NHSL3: variants seen among roughly 807,000 people sequenced by gnomAD.
NHSL3 encodes the protein NHS-like protein 3.
the NHSL3 span, among the ~76,000 whole-genome samples, chr1:32,759,688 G>T: frequency 1.3e-5 from 2 of 152,208 alleles, no homozygotes; most frequent in East Asian, 3.9e-4. Context: ...GTGGGGTGCA[G>T]AGCCCCTACT....
the NHSL3 span, chr1:32,768,240 G>C: frequency 2.8e-4 from 212 of 769,802 alleles, 4 homozygotes; most frequent in South Asian, 3.2e-3. Context: ...AATGAACCCT[G>C]AGGGCTAGTT....
the NHSL3 span, chr1:32,769,629 G>A: frequency 9.8e-6 from 14 of 1,426,142 alleles, no homozygotes; most frequent in African/African-American, 1.4e-5. Flanking sequence ...AATGTGCCTG[G>A]AGTCCTTTGC....
chr1:32,767,926 C>G, the NHSL3 span: 1 of 1,613,962 alleles, frequency 6.2e-7, no homozygotes, highest in South Asian at 1.1e-5. Context: ...ACACTCAGGC[C>G]CAGGAGGGGC....
At chr1:32,760,305 C>G in the NHSL3 span, among the ~76,000 whole-genome samples, 1 of 152,204 alleles carries the variant, frequency 6.6e-6, no homozygotes, top group African/African-American at 2.4e-5. Context: ...CGCGCCACCA[C>G]CCCCGCCCCT....
chr1:32,742,091 G>T, the NHSL3 span: 18 of 1,253,848 alleles, frequency 1.4e-5, no homozygotes, highest in East Asian at 6.3e-5. Flanking sequence ...GGCAAGCGGC[G>T]CAAGAAGAAG....
At chr1:32,765,441 A>C in the NHSL3 span, among the ~76,000 whole-genome samples, 29 of 152,210 alleles carry the variant, frequency 1.9e-4, no homozygotes, top group Non-Finnish European at 2.1e-4. Context: ...AGGCAGGGTG[A>C]GTGATCTGCT....
the NHSL3 span, chr1:32,771,526 T>C: frequency 8.1e-6 from 13 of 1,598,936 alleles, no homozygotes; most frequent in Non-Finnish European, 8.5e-6. Context: ...GCAGGACCTG[T>C]CCATGGCTGA....
At chr1:32,753,838 G>C in the NHSL3 span, among the ~76,000 whole-genome samples, 1 of 152,194 alleles carries the variant, frequency 6.6e-6, no homozygotes. Context: ...GCCCTAGGCT[G>C]GGCGGCTCAG....
chr1:32,768,706 T>C, the NHSL3 span: 1,151 of 1,614,062 alleles, frequency 7.1e-4, 13 homozygotes, highest in East Asian at 0.022. Flanking sequence ...TCAGACCACA[T>C]CCTACGTGGC....
At chr1:32,755,890 C>T in the NHSL3 span, among the ~76,000 whole-genome samples, 62 of 152,270 alleles carry the variant, frequency 4.1e-4, no homozygotes, top group Middle Eastern at 3.4e-3. Flanking sequence ...AGGGCTGGGG[C>T]TCTTCATCTG....
At chr1:32,771,580 G>C in the NHSL3 span, 3 of 1,612,398 alleles carry the variant, frequency 1.9e-6, no homozygotes, top group South Asian at 3.3e-5. Flanking sequence ...GGCCAGCCCT[G>C]AGCCTGCAGG....
chr1:32,743,282 C>T, the NHSL3 span, among the ~76,000 whole-genome samples: 1 of 152,194 alleles, frequency 6.6e-6, no homozygotes, highest in African/African-American at 2.4e-5. Context: ...CCTTTAACCA[C>T]CTCTTCTGGG....
the NHSL3 span, among the ~76,000 whole-genome samples, chr1:32,745,440 C>T: frequency 6.6e-6 from 1 of 151,794 alleles, no homozygotes; most frequent in Non-Finnish European, 1.5e-5. Context: ...TGCCTGTAAT[C>T]CCAGCTACTC....
the NHSL3 span, among the ~76,000 whole-genome samples, chr1:32,745,121 G>GA: frequency 5.3e-4 from 56 of 106,212 alleles, no homozygotes; most frequent in Middle Eastern, 5.5e-3. Context: ...GCGAGACTCA[G>GA]AAAAAAAAAA....
the NHSL3 span, chr1:32,773,028 T>C: frequency 7.8e-6 from 6 of 766,390 alleles, no homozygotes; most frequent in Admixed American, 6.2e-5. Flanking sequence ...CGGCCTTCGA[T>C]ACTTATGCAA....
chr1:32,758,404 T>C, the NHSL3 span, among the ~76,000 whole-genome samples: 1 of 152,140 alleles, frequency 6.6e-6, no homozygotes, highest in Non-Finnish European at 1.5e-5. Flanking sequence ...CTTTTCATCC[T>C]TCCCCCTGCC....
chr1:32,774,172 G>C, the NHSL3 span: 1 of 152,648 alleles, frequency 6.6e-6, no homozygotes, highest in African/African-American at 2.4e-5. Context: ...TGCCCCCCAG[G>C]GCCACCGCTT....
the NHSL3 span, chr1:32,767,770 C>T: frequency 6.9e-6 from 11 of 1,590,968 alleles, no homozygotes; most frequent in Non-Finnish European, 9.4e-6. Context: ...ATTTCCCTTC[C>T]TCCTCCCTCC....
the NHSL3 span, chr1:32,772,258 C>T: frequency 3.9e-5 from 62 of 1,602,086 alleles, no homozygotes; most frequent in African/African-American, 5.5e-4. Context: ...ACCTGTGGCC[C>T]GCAAGCCGTC....
Sources: allele counts gnomAD v4.1 joint callset (sites outside exome capture counted in the v4.1 genomes callset), GRCh38; gene constraint gnomAD v4.1.1; transcripts MANE v1.5; gene names NCBI Gene and HGNC (gene_info 2026-07-23, HGNC 2026-07-21).